RAI1: variants seen among roughly 807,000 people sequenced by gnomAD.
RAI1 encodes retinoic acid-induced protein 1.
RAI1 carries 9 observed loss-of-function variants against 123.8 expected under a neutral mutation model. That is an observed-to-expected ratio of 0.07 (90% CI 0.04 to 0.13). The LOEUF (loss-of-function observed/expected upper bound fraction) is 0.13. Among genes scored for constraint, RAI1 ranks in the 10% least tolerant of loss-of-function variants. The probability of loss-of-function intolerance (pLI) is 1.00; values close to 1 mark genes in which losing one functional copy is unlikely to be tolerated. For missense variants in RAI1, 2,256 were observed against 2,545.8 expected (o/e 0.89, Z 2.45); for synonymous variants, 1,231 against 1,127.3 (o/e 1.09, Z -1.84).
At position 17,797,895 on chromosome 17, in the gene RAI1, G is replaced by C; in HGVS notation, c.4947G>C (p.Leu1649=). ...SFSLDAAGAS[L]ATLPGGSILQ... ...CCTTGGATGCAGCCGGGGCCTCCCT[G>C]GCCACACTCCCTGGAGGCTCCATCC... Residue 1649 remains leucine (L), a synonymous_variant, in exon 3 of 6, where the codon CTG becomes CTC. Transcript: ENST00000353383. The C allele has an allele frequency of 6.2e-7, 1 of 1,613,840 alleles. No individual in the cohort carries two copies.
intron 2 of RAI1, among the ~76,000 whole-genome samples, chr17:17,781,374 G>A (rs1224229562): frequency 6.6e-6 from 1 of 152,244 alleles, no homozygotes; most frequent in African/African-American, 2.4e-5. Context: ...GAGAGATCCA[G>A]TCAAAGCCCC....
intron 4 of RAI1, among the ~76,000 whole-genome samples, chr17:17,808,573 G>C (rs190218672): frequency 6.6e-6 from 1 of 151,728 alleles, no homozygotes; most frequent in African/African-American, 2.4e-5. Flanking sequence ...CCAGCCTCTC[G>C]AGTAGCTGGG....
chr17:17,691,390 G>A (rs187912463), intron 1 of RAI1, among the ~76,000 whole-genome samples: 73 of 152,354 alleles, frequency 4.8e-4, no homozygotes, highest in African/African-American at 1.7e-3. Context: ...GCCCCTGCCC[G>A]TTTGAAGCAT....
At chr17:17,758,728 G>A (rs935003411) in intron 2 of RAI1, among the ~76,000 whole-genome samples, 4 of 152,222 alleles carry the variant, frequency 2.6e-5, no homozygotes, top group Admixed American at 1.3e-4. Flanking sequence ...ACGTATGTAC[G>A]AGGAGCATAC....
intron 2 of RAI1, among the ~76,000 whole-genome samples, chr17:17,770,609 CA>C (rs1190928877): frequency 1.4e-5 from 2 of 141,166 alleles, no homozygotes; most frequent in African/African-American, 5.2e-5. Context: ...CAGGGCCTGC[CA>C]GCGGCCAGGG....
At chr17:17,704,855 G>A (rs935861479) in intron 1 of RAI1, among the ~76,000 whole-genome samples, 1 of 90,330 alleles carries the variant, frequency 1.1e-5, no homozygotes, top group African/African-American at 6.5e-5. Flanking sequence ...CTTCCTGGTG[G>A]TTTTTGGGTG....
chr17:17,718,129 C>A (rs1156975262), intron 1 of RAI1, among the ~76,000 whole-genome samples: 1 of 152,192 alleles, frequency 6.6e-6, no homozygotes, highest in Non-Finnish European at 1.5e-5. Context: ...CTCCCTCTCC[C>A]CTCTCCCCCT....
chr17:17,691,599 G>A (rs1452246466), intron 1 of RAI1, among the ~76,000 whole-genome samples: 1 of 152,248 alleles, frequency 6.6e-6, no homozygotes, highest in African/African-American at 2.4e-5. Flanking sequence ...AAGTGCAGGA[G>A]TGTGTTGTGG....
At chr17:17,736,242 T>C (rs1916427921) in intron 2 of RAI1, among the ~76,000 whole-genome samples, 1 of 152,150 alleles carries the variant, frequency 6.6e-6, no homozygotes, top group African/African-American at 2.4e-5. Context: ...ACCGCCTCTG[T>C]CCTGGTTCAT....
intron 2 of RAI1, among the ~76,000 whole-genome samples, chr17:17,742,435 A>C (rs2142971331): frequency 6.6e-6 from 1 of 152,346 alleles, no homozygotes; most frequent in Admixed American, 6.5e-5. Context: ...GAATGAATGA[A>C]TGAATGAACG....
At chr17:17,694,921 C>CT (rs1454854556) in intron 1 of RAI1, among the ~76,000 whole-genome samples, 1 of 152,110 alleles carries the variant, frequency 6.6e-6, no homozygotes, top group Non-Finnish European at 1.5e-5. Context: ...GCGGCCGGCG[C>CT]TTGCGGGTTA....
At chr17:17,704,247 G>A (rs905223894) in intron 1 of RAI1, among the ~76,000 whole-genome samples, 1 of 152,254 alleles carries the variant, frequency 6.6e-6, no homozygotes, top group African/African-American at 2.4e-5. Context: ...ACAAAGACTT[G>A]AAGTCTCGTT....
chr17:17,699,371 T>C (rs1011842409), intron 1 of RAI1, among the ~76,000 whole-genome samples: 1 of 152,188 alleles, frequency 6.6e-6, no homozygotes, highest in Non-Finnish European at 1.5e-5. Context: ...GCCCTTTTGC[T>C]CTCACAGAGC....
In RAI1 at chr17:17,798,352, G is replaced by T; in HGVS notation, c.5404G>T (p.Gly1802Cys). The change falls in exon 3 of 6, where the codon GGT becomes TGT. Residue 1802 changes from glycine to cysteine, a missense_variant. By Grantham distance (159) the Gly-to-Cys change is radical. This residue lies in a region of RAI1 where 243 missense variants were observed against 316.6 expected (regional missense o/e 0.77). Coordinates refer to ENST00000353383, the MANE Select transcript of RAI1 (RefSeq NM_030665.4). The stretch of plus-strand genomic sequence containing the variant: ...CGAGGAGGCAGCCCCAGCCGACAAG[G>T]GTCGCAAACATGAGTGCAGCAAGGA... ...GGEEAAPADK[G>C]RKHECSKEAP... 12 of 1,605,836 alleles carry T rather than the reference G, an allele frequency of 7.5e-6. No homozygotes were observed. Among genetic ancestry groups the T allele is most frequent in the Non-Finnish European group, 1.0e-5 (12 of 1,176,222 alleles).
chr17:17,781,569 C>T (rs1164516603), intron 2 of RAI1, among the ~76,000 whole-genome samples: 1 of 152,112 alleles, frequency 6.6e-6, no homozygotes, highest in African/African-American at 2.4e-5. Context: ...GGGTGCTTGG[C>T]CGCAGGGGAA....
intron 2 of RAI1, chr17:17,759,320 A>T (rs1390026658): frequency 6.6e-6 from 1 of 152,244 alleles, no homozygotes; most frequent in Non-Finnish European, 1.5e-5. Flanking sequence ...ATCTCCAGAA[A>T]TCAGGACACA....
chr17:17,683,535 C>T (rs1914517916), intron 1 of RAI1: 1 of 152,270 alleles, frequency 6.6e-6, no homozygotes, highest in Non-Finnish European at 1.5e-5. Flanking sequence ...CACCCCTCCC[C>T]CTCTTGACAG....
chr17:17,741,569 C>G (rs538328615), intron 2 of RAI1, among the ~76,000 whole-genome samples: 1 of 152,374 alleles, frequency 6.6e-6, no homozygotes, highest in East Asian at 1.9e-4. Flanking sequence ...CCTCAGCTGG[C>G]TCTGTCTGGA....
intron 2 of RAI1, among the ~76,000 whole-genome samples, chr17:17,749,521 C>G (rs1186453844): frequency 6.6e-6 from 1 of 152,206 alleles, no homozygotes; most frequent in African/African-American, 2.4e-5. Flanking sequence ...TTAGCATGGC[C>G]ACAATTTAAA....
Sources: gnomAD v4.1 joint callset for allele counts (sites outside exome capture counted in the v4.1 genomes callset) on GRCh38, gnomAD v4.1.1 for gene constraint, gnomAD v4.1.1 regional missense constraint, MANE v1.5 for transcripts, NCBI Gene and HGNC (gene_info 2026-07-23, HGNC 2026-07-21) for gene names.